Variants in P3H2 observed in about 807,000 individuals in gnomAD.
P3H2 encodes the protein prolyl 3-hydroxylase 2, also known as leprecan-like 1.
In P3H2, 80 loss-of-function variants were observed where a neutral mutation model predicts 87.0. The ratio of observed to expected loss-of-function variants is 0.92; its 90% confidence interval spans 0.77 to 1.11. The LOEUF (loss-of-function observed/expected upper bound fraction) is 1.11, where lower values mean the gene tolerates loss of function less well. Ranked by LOEUF, P3H2 falls within the 50% of genes least tolerant of loss-of-function variation. P3H2 has a pLI of 0.00. For missense variants in P3H2, 1,001 were observed against 923.9 expected (o/e 1.08, Z -1.08); for synonymous variants, 367 against 359.3 (o/e 1.02, Z -0.24).
At chr3:190,061,108 T>C (rs572698644) in intron 1 of P3H2, among the ~76,000 whole-genome samples, 1 of 152,224 alleles carries the variant, frequency 6.6e-6, no homozygotes, top group South Asian at 2.1e-4. Context: ...TTTCTGACTA[T>C]AGAGGAATAT....
At chr3:190,114,262 C>A (rs1334730888) in intron 1 of P3H2, among the ~76,000 whole-genome samples, 7 of 149,176 alleles carry the variant, frequency 4.7e-5, no homozygotes, top group African/African-American at 1.7e-4. Flanking sequence ...CGGCTCACTG[C>A]AAGCTCCGCC....
chr3:189,981,327 C>T (rs977525580), intron 8 of P3H2, among the ~76,000 whole-genome samples: 4 of 152,186 alleles, frequency 2.6e-5, no homozygotes, highest in African/African-American at 9.7e-5. Flanking sequence ...CCTGTGGGAT[C>T]TGACACTATT....
chr3:189,976,889 C>G (rs1295594154), intron 8 of P3H2, among the ~76,000 whole-genome samples: 1 of 152,120 alleles, frequency 6.6e-6, no homozygotes, highest in Non-Finnish European at 1.5e-5. Context: ...GAAAAATATG[C>G]TTTTCTACAA....
intron 12 of P3H2, among the ~76,000 whole-genome samples, chr3:189,971,323 G>A (rs114974078): frequency 0.011 from 1,651 of 152,250 alleles, 27 homozygotes; most frequent in African/African-American, 0.038. Context: ...GCCTAGCCAC[G>A]CCTTGCAGAT....
intron 11 of P3H2, 38 bp from the exon 12 acceptor site, chr3:189,972,045 G>A (rs1249981563): frequency 2.4e-6 from 3 of 1,255,770 alleles, no homozygotes; most frequent in Non-Finnish European, 3.5e-6. Flanking sequence ...GAGAAATGAA[G>A]TGCAGCAACT....
chr3:189,998,524 TC>T (rs1293721770), intron 1 of P3H2, among the ~76,000 whole-genome samples: 1 of 152,186 alleles, frequency 6.6e-6, no homozygotes, highest in Non-Finnish European at 1.5e-5. Flanking sequence ...CTCAACCTGT[TC>T]CTTTACTGGT....
chr3:189,998,165 G>T (rs191672677), intron 1 of P3H2, among the ~76,000 whole-genome samples: 17 of 150,656 alleles, frequency 1.1e-4, no homozygotes, highest in Admixed American at 9.5e-4. Flanking sequence ...AGAGTTTATA[G>T]CTCCCATGAA....
At chr3:190,119,863 G>C in intron 1 of P3H2, among the ~76,000 whole-genome samples, 1 of 151,538 alleles carries the variant, frequency 6.6e-6, no homozygotes, top group African/African-American at 2.4e-5. Flanking sequence ...AAAGAAATGG[G>C]AAGTGAGAAG....
In P3H2 at chr3:189,971,951, A is replaced by G. The variant is rs569776527; in HGVS notation, c.1756T>C (p.Leu586=). Reference sequence around the variant, plus strand: ...CAGCATTCGTTGGCCTCTGGATCCAACAAACAGTTGTCAGCATGGATGGGA... The same window carrying G: ...CAGCATTCGTTGGCCTCTGGATCCAGCAAACAGTTGTCAGCATGGATGGGA... ...SHPIHADNCL[L]DPEANECWKE... is the part of the protein sequence containing the mutation. Residue 586 remains leucine, a synonymous_variant, in exon 12 of 15, where the codon TTG becomes CTG. Transcript: ENST00000319332. The G allele has an allele frequency of 6.2e-7, 1 of 1,614,062 alleles. No individual in the cohort carries two copies. The highest frequency in any genetic ancestry group is 1.1e-5 in the South Asian group (1 of 91,078).
chr3:190,115,246 A>G (rs1712243674), intron 1 of P3H2, among the ~76,000 whole-genome samples: 1 of 152,214 alleles, frequency 6.6e-6, no homozygotes, highest in Non-Finnish European at 1.5e-5. Flanking sequence ...AGAATTGCCT[A>G]ATGTAATTGT....
At chr3:190,086,118 T>C (rs571391682) in intron 1 of P3H2, among the ~76,000 whole-genome samples, 1 of 152,320 alleles carries the variant, frequency 6.6e-6, no homozygotes, top group African/African-American at 2.4e-5. Context: ...TGAGGTCATC[T>C]ACTCATCCCC....
intron 1 of P3H2, among the ~76,000 whole-genome samples, chr3:190,101,691 A>G (rs555307343): frequency 6.6e-6 from 1 of 152,318 alleles, no homozygotes; most frequent in Admixed American, 6.5e-5. Context: ...TGACGCAGCA[A>G]GCGTTAATGT....
At chr3:190,014,199 A>C (rs1478559278) in intron 1 of P3H2, among the ~76,000 whole-genome samples, 1 of 152,206 alleles carries the variant, frequency 6.6e-6, no homozygotes, top group Non-Finnish European at 1.5e-5. Context: ...TGTTGAACTA[A>C]AAGATTGAAT....
chr3:190,083,601 C>T (rs952761924), intron 1 of P3H2, among the ~76,000 whole-genome samples: 1 of 152,172 alleles, frequency 6.6e-6, no homozygotes, highest in African/African-American at 2.4e-5. Context: ...GTGTATCCCG[C>T]CCCATCACAG....
In P3H2 at chr3:190,038,218, A is replaced by G. The variant is rs1032784905; in HGVS notation, c.481-42776T>C. Reference sequence around the variant, plus strand: ...GCCACTGCACTCCAGCCTGGGGCACAGAGCAAGACTAGGTTTAAAAAAAAA... The same window carrying G: ...GCCACTGCACTCCAGCCTGGGGCACGGAGCAAGACTAGGTTTAAAAAAAAA... On this transcript the variant is annotated intron_variant, in intron 1 of 14. Coordinates refer to ENST00000319332, the MANE Select transcript of P3H2 (RefSeq NM_018192.4). Among the ~76,000 whole-genome samples, 5 of 144,474 alleles carry G rather than the reference A, an allele frequency of 3.5e-5. No individual in the cohort carries two copies. The East Asian group carries it at 1.0e-3, about 30-fold the overall frequency. The allele number at this position is 144,474 out of a possible 152,430, so 94.8% of individuals were successfully genotyped here. A position where few individuals can be genotyped will look rare whatever the true frequency, so the allele number is the denominator to read the frequency against.
chr3:190,021,055 T>C (rs1226281745), intron 1 of P3H2, among the ~76,000 whole-genome samples: 1 of 134,584 alleles, frequency 7.4e-6, no homozygotes, highest in Non-Finnish European at 1.7e-5. Flanking sequence ...AGTAACCATC[T>C]TTGCCTTACA....
At chr3:190,075,388 G>A (rs150702611) in intron 1 of P3H2, among the ~76,000 whole-genome samples, 6 of 151,958 alleles carry the variant, frequency 3.9e-5, no homozygotes, top group Admixed American at 3.9e-4. Context: ...GGGAGGCTGA[G>A]GTAGGAGAAC....
intron 3 of P3H2, among the ~76,000 whole-genome samples, chr3:189,990,013 G>C (rs1006539004): frequency 5.3e-5 from 8 of 152,178 alleles, no homozygotes; most frequent in Admixed American, 3.3e-4. Context: ...TGAGAATGAT[G>C]ATAAAATCAT....
chr3:190,041,062 ACACACACACACACACACACT>A lies in P3H2; in HGVS notation c.481-45640_481-45621del, dbSNP rs1167790842. 1.6e-3 allele frequency among the ~76,000 whole-genome samples: 74 copies of A among 46,114 alleles called. 7 individuals are homozygous for A. The highest frequency in any genetic ancestry group is 8.8e-3 in the African/African-American group (72 of 8,218). 30.3% of individuals were successfully genotyped at this position (46,114 alleles called of 152,430 possible). ...TACACACACACACACACACACACAC[ACACACACACACACACACACT>A]CTCTCTCTCTATATATATATATATA... On this transcript the variant is annotated intron_variant, in intron 1 of 14. Coordinates refer to ENST00000319332, the MANE Select transcript of P3H2 (RefSeq NM_018192.4).
Sources: gnomAD v4.1 joint callset for allele counts (sites outside exome capture counted in the v4.1 genomes callset) on GRCh38, gnomAD v4.1.1 for gene constraint, MANE v1.5 for transcripts, NCBI Gene and HGNC (gene_info 2026-07-23, HGNC 2026-07-21) for gene names.